NFIC: variants seen among roughly 807,000 people sequenced by gnomAD.
NFIC encodes the protein nuclear factor I C, also known as nuclear factor 1 C-type.
NFIC carries 12 observed loss-of-function variants against 54.4 expected under a neutral mutation model. The ratio of observed to expected loss-of-function variants is 0.22; its 90% CI spans 0.14 to 0.36. The LOEUF is 0.36. Among genes scored for constraint, NFIC ranks in the 10% least tolerant of loss-of-function variants. The pLI, the probability that NFIC is intolerant of heterozygous loss-of-function variation, is 1.00. For synonymous variants in NFIC, 322 were observed against 319.2 expected (o/e 1.01, Z -0.09); for missense variants, 575 against 718.2 (o/e 0.80, Z 2.28).
chr19:3,365,076 A>T (rs922668921), upstream of NFIC, among the ~76,000 whole-genome samples: 2 of 152,120 alleles, frequency 1.3e-5, no homozygotes, highest in African/African-American at 4.8e-5. Flanking sequence ...GGCCTAGGGA[A>T]CCTACGCTGC....
chr19:3,361,127 C>T (rs2080805288), intron 1 of NFIC, among the ~76,000 whole-genome samples: 2 of 152,332 alleles, frequency 1.3e-5, no homozygotes, highest in Admixed American at 6.5e-5. Context: ...ATCCGCTTGG[C>T]CCGAGGGGGT....
At chr19:3,381,640 C>T in intron 1 of NFIC, 72 bp from the exon 2 acceptor site, 1 of 1,533,666 alleles carries the variant, frequency 6.5e-7, no homozygotes, top group African/African-American at 1.4e-5. Flanking sequence ...CGACCTCAGC[C>T]TTCGGGGCCG....
intron 2 of NFIC, chr19:3,411,222 A>G (rs7257291): frequency 0.94 from 143,177 of 152,054 alleles, 67,422 homozygotes; most frequent in East Asian, 0.97. Flanking sequence ...GGTATCCTGT[A>G]TTGCCCAGGC....
At chr19:3,430,228 T>TTA (rs1292962077) in intron 3 of NFIC, among the ~76,000 whole-genome samples, 1 of 151,784 alleles carries the variant, frequency 6.6e-6, no homozygotes, top group Non-Finnish European at 1.5e-5. Context: ...CACCTCTATC[T>TTA]AATTCCAGAA....
chr19:3,394,519 A>ACACCCCCCCCCC (rs1555744611), intron 2 of NFIC, among the ~76,000 whole-genome samples: 1 of 47,312 alleles, frequency 2.1e-5, no homozygotes, highest in African/African-American at 1.4e-4. Flanking sequence ...TCTTTTCCCC[A>ACACCCCCCCCCC]CCCACCCCCC....
In NFIC at chr19:3,458,240, A is replaced by G. The variant is rs1388716185; in HGVS notation, c.1509+1605A>G. 6.6e-6 allele frequency among the ~76,000 whole-genome samples: 1 copy of G among 152,136 alleles called. No individual in the cohort carries two copies. The highest frequency in any genetic ancestry group is 2.4e-5 in the African/African-American group (1 of 41,420). On this transcript the variant is annotated intron_variant, in intron 10 of 10. Coordinates refer to ENST00000443272, the MANE Select transcript of NFIC (RefSeq NM_001245002.2). This position sits in a 1 kb window ranked among gnomAD's most constrained non-coding sequence, Gnocchi z 4.1. ...CCTCGCTTTGGGATTTGGGCCCCCT[A>G]TGGCCAACCTCTCCCCCGCCTGGTG...
At chr19:3,399,796 G>C (rs1282403448) in intron 2 of NFIC, among the ~76,000 whole-genome samples, 2 of 152,034 alleles carry the variant, frequency 1.3e-5, no homozygotes, top group African/African-American at 4.8e-5. Context: ...ACTTGAACCT[G>C]GGAGGCGGAG....
chr19:3,363,862 C>T (rs1251789456), upstream of NFIC, among the ~76,000 whole-genome samples: 1 of 152,204 alleles, frequency 6.6e-6, no homozygotes, highest in Non-Finnish European at 1.5e-5. Flanking sequence ...ACGGCCCCAA[C>T]CCAGAGAGCG....
At chr19:3,390,927 T>C (rs2081367766) in intron 2 of NFIC, among the ~76,000 whole-genome samples, 1 of 151,918 alleles carries the variant, frequency 6.6e-6, no homozygotes, top group Non-Finnish European at 1.5e-5. Context: ...ATGAGAAGGT[T>C]CTGGAGAGGA....
intron 2 of NFIC, among the ~76,000 whole-genome samples, chr19:3,387,707 T>A (rs1057126140): frequency 6.7e-6 from 1 of 148,538 alleles, no homozygotes; most frequent in African/African-American, 2.5e-5. Context: ...TGCGAAGGCC[T>A]GGAGCCCAGG....
At chr19:3,407,526 C>T in intron 2 of NFIC, among the ~76,000 whole-genome samples, 1 of 152,206 alleles carries the variant, frequency 6.6e-6, no homozygotes, top group South Asian at 2.1e-4. Flanking sequence ...CCTCTGCCTC[C>T]CGGGTTCGAG....
intron 2 of NFIC, among the ~76,000 whole-genome samples, chr19:3,415,311 G>C (rs935285648): frequency 6.6e-6 from 1 of 151,408 alleles, no homozygotes; most frequent in Admixed American, 6.6e-5. Context: ...AGTAGAGATG[G>C]GGTTTCACCA....
At chr19:3,376,661 G>C (rs932414588) in intron 1 of NFIC, among the ~76,000 whole-genome samples, 5 of 152,092 alleles carry the variant, frequency 3.3e-5, no homozygotes, top group African/African-American at 1.2e-4. Context: ...TTGAGTCTGG[G>C]AGTTCAGGGC....
chr19:3,376,428 CAAAAAAAAAAAAA>C (rs35724239), intron 1 of NFIC, among the ~76,000 whole-genome samples: 17 of 48,188 alleles, frequency 3.5e-4, no homozygotes, highest in East Asian at 3.5e-3. Context: ...GACACTGTCT[CAAAAAAAAAAAAA>C]AAAAAAAAAA....
chr19:3,445,625 C>G (rs1467832698), intron 6 of NFIC, among the ~76,000 whole-genome samples: 9 of 152,194 alleles, frequency 5.9e-5, no homozygotes. Flanking sequence ...ATGGGGACAG[C>G]TGGTTCCATA....
At chr19:3,365,972 C>G (rs541201287), upstream of NFIC, among the ~76,000 whole-genome samples, 4 of 152,086 alleles carry the variant, frequency 2.6e-5, no homozygotes, top group Non-Finnish European at 5.9e-5. Context: ...CACCCAGGGT[C>G]GTACATCTTT....
At position 3,370,972 on chromosome 19, in the gene NFIC, A is replaced by G. The variant is rs914146416; in HGVS notation, c.30+4306A>G. Among the ~76,000 whole-genome samples, 1 of 152,064 alleles carries G rather than the reference A, an allele frequency of 6.6e-6. No individual in the cohort carries two copies. Among genetic ancestry groups the G allele is most frequent in the African/African-American group, 2.4e-5 (1 of 41,390 alleles). On this transcript the variant is annotated intron_variant, in intron 1 of 10. Transcript: ENST00000443272. This position sits in a 1 kb window ranked among gnomAD's most constrained non-coding sequence, Gnocchi z 5.2. The stretch of plus-strand genomic sequence containing the variant: ...ACACGCTGGGCGCACACGCGTGCAC[A>G]CTCCCTGACACCCATACGGACGAGG...
intron 2 of NFIC, among the ~76,000 whole-genome samples, chr19:3,392,981 C>T (rs1217531570): frequency 4.6e-5 from 7 of 152,158 alleles, no homozygotes; most frequent in Non-Finnish European, 8.8e-5. Context: ...TGCCCTGTCG[C>T]CCAGGCTGGA....
At chr19:3,416,609 C>G (rs1364498632) in intron 2 of NFIC, among the ~76,000 whole-genome samples, 1 of 151,468 alleles carries the variant, frequency 6.6e-6, no homozygotes, top group Non-Finnish European at 1.5e-5. Context: ...GCAACCTCCG[C>G]CTCCCGGGTT....
Sources: allele counts gnomAD v4.1 joint callset (sites outside exome capture counted in the v4.1 genomes callset), GRCh38; gene constraint gnomAD v4.1.1; non-coding constraint Gnocchi (gnomAD v3.1); transcripts MANE v1.5; gene names NCBI Gene and HGNC (gene_info 2026-07-23, HGNC 2026-07-21).